SUPT6H: variants seen among roughly 807,000 people sequenced by gnomAD.
SUPT6H encodes the protein transcription elongation factor SPT6.
SUPT6H carries 11 observed loss-of-function variants against 222.3 expected under a neutral mutation model. That is an observed-to-expected ratio of 0.05 (90% CI 0.03 to 0.08). SUPT6H has a LOEUF of 0.08. Among genes scored for constraint, SUPT6H ranks in the 10% least tolerant of loss-of-function variants. The pLI is 1.00. For missense variants in SUPT6H, 1,422 were observed against 2,216.0 expected (o/e 0.64, Z 7.19); for synonymous variants, 762 against 801.2 (o/e 0.95, Z 0.83).
chr17:28,678,021 G>T, intron 8 of SUPT6H, 55 bp from the exon 9 acceptor site: 1 of 1,554,206 alleles, frequency 6.4e-7, no homozygotes, highest in South Asian at 1.1e-5. Context: ...AGTCTTGTAT[G>T]GTAAGACAAA....
Position 28,701,922 on chromosome 17 carries a change from G to A in SUPT6H, c.*297G>A. The A allele has an allele frequency of 2.5e-6, 1 of 403,062 alleles. No individual in the cohort carries two copies. Among genetic ancestry groups the A allele is most frequent in the Non-Finnish European group, 4.5e-6 (1 of 220,776 alleles). The allele number at this position is 403,062 out of a possible 1,614,324, so 25.0% of individuals were successfully genotyped here. A position where few individuals can be genotyped will look rare whatever the true frequency, so the allele number is the denominator to read the frequency against. ...AGGTGAGAATGAGTAGAACAGTTTTGTATTCTACTCCCTACAAGCCATTTT... is the reference window on the plus strand; with the variant it reads ...AGGTGAGAATGAGTAGAACAGTTTTATATTCTACTCCCTACAAGCCATTTT... On this transcript the variant is annotated 3_prime_UTR_variant, in exon 37 of 37. Transcript: ENST00000314616.
At chr17:28,665,718 G>A (rs1213326737) in intron 1 of SUPT6H, among the ~76,000 whole-genome samples, 3 of 152,074 alleles carry the variant, frequency 2.0e-5, no homozygotes, top group East Asian at 1.9e-4. Flanking sequence ...AGCTGAGATC[G>A]TGCCACTACA....
chr17:28,667,370 CAAAAA>C (rs546020183), intron 1 of SUPT6H, among the ~76,000 whole-genome samples: 1 of 6,236 alleles, frequency 1.6e-4, no homozygotes, highest in Non-Finnish European at 3.5e-4. Flanking sequence ...GACTCCGTCT[CAAAAA>C]AAAAAAAAAA....
intron 27 of SUPT6H, among the ~76,000 whole-genome samples, chr17:28,693,226 C>T (rs775298165): frequency 1.3e-4 from 20 of 151,800 alleles, no homozygotes; most frequent in Non-Finnish European, 2.2e-4. Context: ...TTTGGGAGGC[C>T]GAGGTGGGCA....
chr17:28,693,728 A>G lies in SUPT6H; in HGVS notation c.3666A>G (p.Pro1222=). ...VWNHFDSGSC[P]GQAIGVKTRL... The stretch of plus-strand genomic sequence containing the variant: ...ACCACTTTGACAGCGGTTCGTGCCC[A>G]GGCCAGGCCATCGGTGTCAAAACAC... The change falls in exon 28 of 37, where the codon CCA becomes CCG. Residue 1222 remains proline, a synonymous_variant. Coordinates refer to ENST00000314616, the MANE Select transcript of SUPT6H (RefSeq NM_003170.5). 1 of 1,614,204 alleles carries G rather than the reference A, an allele frequency of 6.2e-7. No homozygotes were observed. Among genetic ancestry groups the G allele is most frequent in the Non-Finnish European group, 8.5e-7 (1 of 1,180,034 alleles).
chr17:28,682,887 A>G (rs761690258), intron 14 of SUPT6H, 31 bp downstream of exon 14: 2 of 1,613,604 alleles, frequency 1.2e-6, no homozygotes, highest in African/African-American at 2.7e-5. Context: ...TGACAGGAGG[A>G]GGGGCCTGAG....
At chr17:28,679,938 C>T (rs1380786634) in intron 11 of SUPT6H, among the ~76,000 whole-genome samples, 13 of 141,882 alleles carry the variant, frequency 9.2e-5, no homozygotes, top group East Asian at 2.1e-4. Context: ...TGCAGCGAGC[C>T]GAGATCGTGC....
chr17:28,677,470 C>G (rs897639496), intron 7 of SUPT6H, among the ~76,000 whole-genome samples: 6 of 151,166 alleles, frequency 4.0e-5, no homozygotes. Context: ...ATTTGAACTC[C>G]GGAGGCGGAG....
chr17:28,687,465 C>G lies in SUPT6H; in HGVS notation c.3000C>G (p.Leu1000=), dbSNP rs28588628. Residue 1000 remains leucine, a synonymous_variant, in exon 23 of 37, where the codon CTC becomes CTG. Transcript: ENST00000314616. ...TGGGACCTCGGAAAGGGACCCACCTCCTGAAGGTAGGATTGGAGTGAATTC... is the reference window on the plus strand; with the variant it reads ...TGGGACCTCGGAAAGGGACCCACCTGCTGAAGGTAGGATTGGAGTGAATTC... ...CGLGPRKGTH[L]LKILKQNNTR... 8 of 1,613,646 alleles carry G rather than the reference C, an allele frequency of 5.0e-6. No homozygotes were observed. In the Admixed American group the frequency reaches 6.7e-5, roughly 13 times the overall value.
In SUPT6H at chr17:28,693,754, G is replaced by A; in HGVS notation, c.3692G>A (p.Arg1231Gln). The A allele has an allele frequency of 3.1e-6, 5 of 1,614,192 alleles. No homozygotes were observed. Among genetic ancestry groups the A allele is most frequent in the East Asian group, 2.2e-5 (1 of 44,886 alleles). ...GGCCAGGCCATCGGTGTCAAAACACGGCTAGACAATGGTGTCACCGGCTTC... is the reference window on the plus strand; with the variant it reads ...GGCCAGGCCATCGGTGTCAAAACACAGCTAGACAATGGTGTCACCGGCTTC... ...CPGQAIGVKT[R>Q]LDNGVTGFIP... is the part of the protein sequence containing the mutation. The change falls in exon 28 of 37, where the codon CGG becomes CAG. Residue 1231 changes from arginine (R) to glutamine (Q), a missense_variant. Coordinates refer to ENST00000314616, the MANE Select transcript of SUPT6H (RefSeq NM_003170.5).
Position 28,701,453 on chromosome 17 carries a change from C to T in SUPT6H, c.5009C>T (p.Ala1670Val). The T allele has an allele frequency of 6.2e-7, 1 of 1,614,006 alleles. No individual in the cohort carries two copies. Among genetic ancestry groups the T allele is most frequent in the Non-Finnish European group, 8.5e-7 (1 of 1,179,956 alleles). Residue 1670 changes from alanine (A) to valine (V), a missense_variant, in exon 37 of 37, where the codon GCA becomes GTA. Ala to Val is a moderately conservative substitution (Grantham distance 64, BLOSUM62 0). Transcript: ENST00000314616. Reference protein sequence around the residue: ...RQQQPKSNSHAAIDWGKMAEQ... With the variant: ...RQQQPKSNSHVAIDWGKMAEQ... ...TCCCCTCCCAGGTCCAACAGCCATG[C>T]AGCCATCGACTGGGGAAAAATGGCG...
intron 24 of SUPT6H, chr17:28,689,149 A>C (rs1445451382): frequency 1.8e-6 from 1 of 562,016 alleles, no homozygotes; most frequent in African/African-American, 1.9e-5. Flanking sequence ...GTGTTTTTGC[A>C]GTGCATTTTT....
Position 28,686,423 on chromosome 17 carries a change from G to A in SUPT6H, c.2564+8G>A, listed in dbSNP as rs1190758986. The stretch of plus-strand genomic sequence containing the variant: ...AGTTGCAGGAGAGAACAGGTAGGTA[G>A]GGATTAGACCACACCTGGTTTAAGG... On this transcript the variant is annotated splice_region_variant and intron_variant, in intron 20 of 36. Coordinates refer to ENST00000314616, the MANE Select transcript of SUPT6H (RefSeq NM_003170.5). 6.2e-7 allele frequency: 1 copy of A among 1,613,816 alleles called. No homozygotes were observed. Among genetic ancestry groups the A allele is most frequent in the East Asian group, 2.2e-5 (1 of 44,884 alleles).
chr17:28,681,739 G>T, intron 12 of SUPT6H, 143 bp from the exon 13 acceptor site: 5 of 633,158 alleles, frequency 7.9e-6, no homozygotes, highest in Non-Finnish European at 1.0e-5. Flanking sequence ...AATCAAGAAA[G>T]AAAACCCAGG....
In SUPT6H at chr17:28,690,144, G is replaced by C; in HGVS notation, c.3405G>C (p.Lys1135Asn). 2 of 1,613,696 alleles carry C rather than the reference G, an allele frequency of 1.2e-6. No individual in the cohort carries two copies. The highest frequency in any genetic ancestry group is 1.1e-5 in the South Asian group (1 of 91,060). Residue 1135 changes from lysine (K) to asparagine (N), a missense_variant, in exon 26 of 37, where the codon AAG (lysine) becomes AAC (asparagine). By Grantham distance (94) the Lys-to-Asn change is moderately conservative (BLOSUM62 0). Coordinates refer to ENST00000314616, the MANE Select transcript of SUPT6H (RefSeq NM_003170.5). ...GGGCAGAGCTGAGCTGTCGATATAA[G>C]GACCTCCGGACAGCCTACCGCTCTC... ...DIRAELSCRY[K>N]DLRTAYRSPN...
intron 23 of SUPT6H, 96 bp from the exon 24 acceptor site, chr17:28,687,995 A>G: frequency 7.3e-7 from 1 of 1,367,542 alleles, no homozygotes; most frequent in Non-Finnish European, 9.6e-7. Context: ...ACTGGGTGGG[A>G]CAGAGTTTTT....
chr17:28,699,724 C>G, intron 32 of SUPT6H, 57 bp from the exon 33 acceptor site: 3 of 1,433,038 alleles, frequency 2.1e-6, no homozygotes, highest in Non-Finnish European at 3.0e-6. Flanking sequence ...CTGTTCTGGT[C>G]GCTCTTGTGG....
chr17:28,686,223 A>G (rs2031372349), intron 19 of SUPT6H, 116 bp from the exon 20 acceptor site: 2 of 922,962 alleles, frequency 2.2e-6, no homozygotes, highest in African/African-American at 3.3e-5. Context: ...AGCACCTTGG[A>G]CCAGATATCT....
Position 28,700,158 on chromosome 17 carries a change from A to C in SUPT6H, c.4562-15A>C. 1 of 1,614,032 alleles carries C rather than the reference A, an allele frequency of 6.2e-7. No homozygotes were observed. The highest frequency in any genetic ancestry group is 8.5e-7 in the Non-Finnish European group (1 of 1,179,974). ...GGTTTCTGGAGGGATGTAACTAAAT[A>C]ATCACTTCCTGCAGGCATCACCCCT... is the stretch of plus-strand genomic sequence containing the variant. On this transcript the variant is annotated splice_polypyrimidine_tract_variant and intron_variant, in intron 33 of 36. Transcript: ENST00000314616.
Sources: allele counts gnomAD v4.1 joint callset (sites outside exome capture counted in the v4.1 genomes callset), GRCh38; gene constraint gnomAD v4.1.1; transcripts MANE v1.5; gene names NCBI Gene and HGNC (gene_info 2026-07-23, HGNC 2026-07-21).